SPEF2: variants seen among roughly 807,000 people sequenced by gnomAD.
SPEF2 encodes the protein sperm flagellar and cilia associated 2, also known as sperm flagella and cilia-associated protein 2.
SPEF2 carries 187 observed loss-of-function variants against 224.6 expected under a neutral mutation model. The observed-to-expected ratio is 0.83, with a 90% CI of 0.74 to 0.94. The LOEUF (loss-of-function observed/expected upper bound fraction) is 0.94. SPEF2 is among the 40% of genes least tolerant of loss of function. The probability of loss-of-function intolerance (pLI) is 0.00; values close to 1 mark genes in which losing one functional copy is unlikely to be tolerated. For missense variants in SPEF2, 2,170 were observed against 2,135.6 expected (o/e 1.02, Z -0.32); for synonymous variants, 715 against 707.3 (o/e 1.01, Z -0.17).
At chr5:35,737,813 A>G (rs1268597878) in intron 21 of SPEF2, among the ~76,000 whole-genome samples, 1 of 152,152 alleles carries the variant, frequency 6.6e-6, no homozygotes, top group Non-Finnish European at 1.5e-5. Flanking sequence ...TGGTTGAACT[A>G]GTTTACAGTC....
rs1314571639 is a variant in SPEF2 at position 35,667,538 on chromosome 5, A to G, written c.1355+279A>G. The stretch of plus-strand genomic sequence containing the variant: ...GCACTATAAAACTTTGAGGAAAAAA[A>G]TGGGAGAAAATCTTTGGGTTCTATG... On this transcript the variant is annotated intron_variant, in intron 9 of 36. Transcript: ENST00000356031. 2.0e-5 allele frequency among the ~76,000 whole-genome samples: 3 copies of G among 152,144 alleles called. No homozygotes were observed. In the East Asian group the frequency reaches 5.8e-4, roughly 29 times the overall value.
chr5:35,776,551 A>G (rs1359994798), intron 29 of SPEF2, among the ~76,000 whole-genome samples, 156 bp downstream of exon 29: 1 of 152,208 alleles, frequency 6.6e-6, no homozygotes. Context: ...TATGAGCTTT[A>G]CTATCATGTT....
chr5:35,773,841 G>T, intron 27 of SPEF2, 52 bp from the exon 28 acceptor site: 1 of 1,578,858 alleles, frequency 6.3e-7, no homozygotes, highest in Non-Finnish European at 8.6e-7. Flanking sequence ...AGTACTATGT[G>T]CACACCTTTG....
chr5:35,670,708 G>A (rs1751125226), intron 10 of SPEF2: 7 of 985,516 alleles, frequency 7.1e-6, no homozygotes, highest in Non-Finnish European at 7.2e-6. Flanking sequence ...AAAGTATCGG[G>A]TGCCAACTGT....
chr5:35,771,601 G>A lies in SPEF2; in HGVS notation c.3802-8G>A, dbSNP rs138022749. On this transcript the variant is annotated splice_region_variant and splice_polypyrimidine_tract_variant and intron_variant, in intron 26 of 36. Transcript: ENST00000356031. Reference sequence around the variant, plus strand: ...ACATTAACTGAAATATTGCTGTTACGCAACCAGGTGGCTGCTGAAATTCAT... The same window carrying A: ...ACATTAACTGAAATATTGCTGTTACACAACCAGGTGGCTGCTGAAATTCAT... 0.012 allele frequency: 18,890 copies of A among 1,586,698 alleles called. 146 individuals carry two copies. Among genetic ancestry groups the A allele is most frequent in the South Asian group, 0.014 (1,195 of 85,466 alleles).
rs1467536278 is a variant in SPEF2 at position 35,810,563 on chromosome 5, C to T, written c.5379+3310C>T. On this transcript the variant is annotated intron_variant, in intron 36 of 36. Coordinates refer to ENST00000356031, the MANE Select transcript of SPEF2 (RefSeq NM_024867.4). ...GCAATGTTAACTGAAGTACTATTGGCATTTGGAGCAGCACAGTTCCTCTTT... is the reference window on the plus strand; with the variant it reads ...GCAATGTTAACTGAAGTACTATTGGTATTTGGAGCAGCACAGTTCCTCTTT... Among the ~76,000 whole-genome samples the T allele has an allele frequency of 3.3e-5, 5 of 152,144 alleles. No individual in the cohort carries two copies. In the South Asian group the frequency reaches 1.0e-3, roughly 32 times the overall value.
At chr5:35,676,390 G>A (rs988197678) in intron 10 of SPEF2, among the ~76,000 whole-genome samples, 2 of 151,996 alleles carry the variant, frequency 1.3e-5, no homozygotes, top group East Asian at 1.9e-4. Context: ...TCAATTCCTC[G>A]GAATTACCAG....
At chr5:35,705,333 C>T (rs1450861616) in intron 17 of SPEF2, among the ~76,000 whole-genome samples, 4 of 152,028 alleles carry the variant, frequency 2.6e-5, no homozygotes, top group South Asian at 2.1e-4. Flanking sequence ...AGCTACCATC[C>T]GAAGAGAGTT....
chr5:35,651,914 A>G (rs1303157761), intron 6 of SPEF2, among the ~76,000 whole-genome samples: 2 of 151,984 alleles, frequency 1.3e-5, no homozygotes, highest in Non-Finnish European at 2.9e-5. Flanking sequence ...CCATTTTTTC[A>G]TTTTTTAGAT....
At chr5:35,679,012 G>C (rs552928103) in intron 10 of SPEF2, among the ~76,000 whole-genome samples, 4 of 152,322 alleles carry the variant, frequency 2.6e-5, no homozygotes, top group Non-Finnish European at 5.9e-5. Flanking sequence ...TTTGGGGGTA[G>C]TTGGAGGACA....
chr5:35,758,713 A>C (rs955990831), intron 24 of SPEF2, among the ~76,000 whole-genome samples: 1 of 152,162 alleles, frequency 6.6e-6, no homozygotes, highest in African/African-American at 2.4e-5. Context: ...ACTATTCTTT[A>C]AACTCTGTGT....
chr5:35,686,864 A>G (rs1384238413), intron 10 of SPEF2, among the ~76,000 whole-genome samples: 2 of 152,176 alleles, frequency 1.3e-5, no homozygotes, highest in Non-Finnish European at 2.9e-5. Context: ...CATCAAATAT[A>G]TATGTATATA....
At chr5:35,754,019 T>G (rs993693175) in intron 24 of SPEF2, among the ~76,000 whole-genome samples, 1 of 152,120 alleles carries the variant, frequency 6.6e-6, no homozygotes, top group Non-Finnish European at 1.5e-5. Context: ...CCTAGATATG[T>G]AGAAAGCCAC....
At position 35,751,024 on chromosome 5, in the gene SPEF2, C is replaced by T. The variant is rs796809641; in HGVS notation, c.3331-2600C>T. Among the ~76,000 whole-genome samples the T allele has an allele frequency of 6.7e-4, 57 of 85,654 alleles. 3 individuals carry two copies. The highest frequency in any genetic ancestry group is 4.9e-3 in the South Asian group (12 of 2,442). 56.2% of individuals were successfully genotyped at this position (85,654 alleles called of 152,430 possible). A position where few individuals can be genotyped will look rare whatever the true frequency, so the allele number is the denominator to read the frequency against. On this transcript the variant is annotated intron_variant, in intron 23 of 36. Transcript: ENST00000356031. ...ATATATATATATACGTATATATATA[C>T]GTATATATATACACATATGTATATA...
chr5:35,638,116 C>G (rs1236890057), intron 2 of SPEF2, among the ~76,000 whole-genome samples: 2 of 152,068 alleles, frequency 1.3e-5, no homozygotes, highest in Non-Finnish European at 2.9e-5. Context: ...GGTTATTTTT[C>G]TTTATATCTC....
At chr5:35,664,763 GGAGA>G (rs138564199) in intron 8 of SPEF2, among the ~76,000 whole-genome samples, 117 of 142,110 alleles carry the variant, frequency 8.2e-4, no homozygotes, top group African/African-American at 2.8e-3. Context: ...GAAGGAAGGA[GGAGA>G]GAGAGAGAGA....
intron 36 of SPEF2, among the ~76,000 whole-genome samples, chr5:35,813,876 T>A (rs1758683381): frequency 1.3e-5 from 2 of 152,144 alleles, no homozygotes; most frequent in Non-Finnish European, 2.9e-5. Context: ...TTCTGTATTT[T>A]TCACATGTTG....
chr5:35,797,774 A>G (rs1327622097), intron 33 of SPEF2, among the ~76,000 whole-genome samples: 2 of 152,226 alleles, frequency 1.3e-5, no homozygotes, highest in East Asian at 1.9e-4. Context: ...TGTAATTAGA[A>G]TAAGAAATAC....
intron 34 of SPEF2, among the ~76,000 whole-genome samples, chr5:35,800,779 G>A (rs1757312733): frequency 6.6e-6 from 1 of 152,140 alleles, no homozygotes; most frequent in African/African-American, 2.4e-5. Context: ...TCTGTTGTTT[G>A]GGGGCTGGAG....
Sources: gnomAD v4.1 joint callset for allele counts (sites outside exome capture counted in the v4.1 genomes callset) on GRCh38, gnomAD v4.1.1 for gene constraint, MANE v1.5 for transcripts, NCBI Gene and HGNC (gene_info 2026-07-23, HGNC 2026-07-21) for gene names.